The following FHIP2A variants were observed in gnomAD, a reference collection of about 807,000 sequenced individuals.
The protein encoded by FHIP2A is family with sequence similarity 160 member B1.
A neutral mutation model predicts 93.5 loss-of-function variants in FHIP2A; 46 were observed. The observed-to-expected ratio is 0.49, with a 90% CI of 0.39 to 0.63. The LOEUF is 0.63. Ranked by LOEUF, FHIP2A falls within the 20% of genes least tolerant of loss-of-function variation. The pLI is 0.00. For synonymous variants in FHIP2A, 332 were observed against 326.5 expected (o/e 1.02, Z -0.18); for missense variants, 769 against 909.7 (o/e 0.85, Z 1.99).
Position 114,862,205 on chromosome 10 carries a change from A to G in FHIP2A, c.*665A>G. 3.1e-6 allele frequency: 3 copies of G among 966,420 alleles called. No homozygotes were observed. Among genetic ancestry groups the G allele is most frequent in the African/African-American group, 1.8e-5 (1 of 56,934 alleles). The allele number at this position is 966,420 out of a possible 1,614,324, so 59.9% of individuals were successfully genotyped here. ...AATGTTCTTTTACTCTTTTGTGCACATAGCCATGTTAGTGATTTTCTTCAT... is the reference window on the plus strand; with the variant it reads ...AATGTTCTTTTACTCTTTTGTGCACGTAGCCATGTTAGTGATTTTCTTCAT... On this transcript the variant is annotated 3_prime_UTR_variant, in exon 17 of 17. Transcript: ENST00000369248.
rs1485734048 is a variant in FHIP2A at position 114,861,940 on chromosome 10, T to C, written c.*400T>C. The C allele has an allele frequency of 2.0e-6, 2 of 986,704 alleles. No homozygotes were observed. Among genetic ancestry groups the C allele is most frequent in the Admixed American group, 1.2e-4 (2 of 16,324 alleles). 61.1% of individuals were successfully genotyped at this position (986,704 alleles called of 1,614,324 possible). Reference sequence around the variant, plus strand: ...CTGGGACTCAAATGCTTGTATTCTTTTGGATTAATAAGTAGCAAAAAAAAA... The same window carrying C: ...CTGGGACTCAAATGCTTGTATTCTTCTGGATTAATAAGTAGCAAAAAAAAA... On this transcript the variant is annotated 3_prime_UTR_variant, in exon 17 of 17. Transcript: ENST00000369248.
At chr10:114,896,639 C>G (rs1479430841) in intron 16 of FHIP2A, among the ~76,000 whole-genome samples, 1 of 152,184 alleles carries the variant, frequency 6.6e-6, no homozygotes, top group Non-Finnish European at 1.5e-5. Context: ...AAGCCCCTCC[C>G]CGCTTCCTGC....
At chr10:114,883,486 A>G (rs973417832) in intron 16 of FHIP2A, among the ~76,000 whole-genome samples, 6 of 152,226 alleles carry the variant, frequency 3.9e-5, no homozygotes, top group Non-Finnish European at 8.8e-5. Flanking sequence ...GGATGACATT[A>G]AAAAGATAAG....
intron 14 of FHIP2A, among the ~76,000 whole-genome samples, chr10:114,857,058 A>ATATC (rs1706164757): frequency 6.6e-6 from 1 of 152,056 alleles, no homozygotes; most frequent in Non-Finnish European, 1.5e-5. Flanking sequence ...GCCTAAGGAT[A>ATATC]GCCACTGCAC....
At chr10:114,829,287 G>A (rs143616297) in intron 1 of FHIP2A, among the ~76,000 whole-genome samples, 878 of 142,158 alleles carry the variant, frequency 6.2e-3, no homozygotes, top group African/African-American at 0.023. Flanking sequence ...CGGCCTTGAG[G>A]GTTCCTCCCC....
chr10:114,872,583 C>T (rs1304225547), intron 16 of FHIP2A, among the ~76,000 whole-genome samples: 2 of 152,168 alleles, frequency 1.3e-5, no homozygotes, highest in African/African-American at 4.8e-5. Context: ...AAGATGTCAT[C>T]CTACTCCAAT....
At chr10:114,899,113 GCTT>G (rs2084014721) in intron 16 of FHIP2A, among the ~76,000 whole-genome samples, 6 of 152,338 alleles carry the variant, frequency 3.9e-5, no homozygotes, top group Middle Eastern at 3.4e-3. Flanking sequence ...GTGGGGTGCA[GCTT>G]CACGGGTAAG....
chr10:114,888,527 CGTT>C (rs2143015850), intron 16 of FHIP2A, among the ~76,000 whole-genome samples: 1 of 152,274 alleles, frequency 6.6e-6, no homozygotes, highest in South Asian at 2.1e-4. Flanking sequence ...CGTAAGATAC[CGTT>C]CAAGGTAGAG....
At chr10:114,824,594 TC>T (rs780251318) in intron 1 of FHIP2A, among the ~76,000 whole-genome samples, 1 of 152,190 alleles carries the variant, frequency 6.6e-6, no homozygotes, top group Non-Finnish European at 1.5e-5. Context: ...AACCTTTTTT[TC>T]CCCCCTTTTA....
intron 3 of FHIP2A, among the ~76,000 whole-genome samples, chr10:114,833,851 A>C (rs1249278907): frequency 6.6e-6 from 1 of 152,192 alleles, no homozygotes; most frequent in Non-Finnish European, 1.5e-5. Flanking sequence ...CAAAGCTGAA[A>C]TTGTGATATC....
At chr10:114,883,305 G>A (rs1231674315) in intron 16 of FHIP2A, among the ~76,000 whole-genome samples, 2 of 152,108 alleles carry the variant, frequency 1.3e-5, no homozygotes, top group Non-Finnish European at 2.9e-5. Flanking sequence ...GGGATGAAGA[G>A]TGGCTTTGGA....
rs1346196164 is a variant in FHIP2A at position 114,846,543 on chromosome 10, T to C, written c.1399-16T>C. ...AAAGACATTTTTCAGTTAGCTTTTA[T>C]CAATTTTGGTTTCAGATAAGCATAA... is the stretch of plus-strand genomic sequence containing the variant. On this transcript the variant is annotated splice_polypyrimidine_tract_variant and intron_variant, in intron 10 of 16. Coordinates refer to ENST00000369248, the MANE Select transcript of FHIP2A (RefSeq NM_020940.4). 17 of 1,566,926 alleles carry C rather than the reference T, an allele frequency of 1.1e-5. No homozygotes were observed. The highest frequency in any genetic ancestry group is 1.4e-5 in the Non-Finnish European group (16 of 1,160,258).
intron 16 of FHIP2A, among the ~76,000 whole-genome samples, chr10:114,879,806 A>G (rs188566437): frequency 4.9e-4 from 74 of 152,226 alleles, no homozygotes; most frequent in African/African-American, 1.7e-3. Context: ...AAGACTGACT[A>G]GCTTCCTTCG....
intron 1 of FHIP2A, among the ~76,000 whole-genome samples, chr10:114,830,362 TC>T (rs2083601138): frequency 7.0e-6 from 1 of 143,684 alleles, no homozygotes; most frequent in Non-Finnish European, 1.5e-5. Context: ...AACCTCCACC[TC>T]CCAGGTTCAA....
chr10:114,850,918 G>GT (rs1393394799), intron 13 of FHIP2A, among the ~76,000 whole-genome samples: 1 of 151,958 alleles, frequency 6.6e-6, no homozygotes, highest in Admixed American at 6.6e-5. Flanking sequence ...TTGTTTGTTT[G>GT]TTGTTGTTGT....
At position 114,862,622 on chromosome 10, in the gene FHIP2A, A is replaced by C. The variant is rs1219214840; in HGVS notation, c.*1082A>C. 5 of 985,824 alleles carry C rather than the reference A, an allele frequency of 5.1e-6. No homozygotes were observed. In the African/African-American group the frequency reaches 8.7e-5, roughly 17 times the overall value. The allele number at this position is 985,824 out of a possible 1,614,324, so 61.1% of individuals were successfully genotyped here. On this transcript the variant is annotated 3_prime_UTR_variant, in exon 17 of 17. Transcript: ENST00000369248. The stretch of plus-strand genomic sequence containing the variant: ...TTTGGGGAAATTGGGTATGTATGTG[A>C]ATGGGTGTACATGTAGGAACCTGTA...
chr10:114,883,171 G>T (rs144660646), intron 16 of FHIP2A, among the ~76,000 whole-genome samples: 43 of 152,228 alleles, frequency 2.8e-4, no homozygotes, highest in African/African-American at 9.2e-4. Context: ...GACATTACAG[G>T]GTTAGTTTTT....
chr10:114,880,859 A>G (rs974432371), intron 16 of FHIP2A, among the ~76,000 whole-genome samples: 2 of 152,238 alleles, frequency 1.3e-5, no homozygotes, highest in Admixed American at 6.5e-5. Context: ...CAGAGATAAG[A>G]CAAAAGCTTC....
intron 16 of FHIP2A, among the ~76,000 whole-genome samples, chr10:114,872,131 A>G (rs2083862934): frequency 6.6e-6 from 1 of 152,194 alleles, no homozygotes; most frequent in African/African-American, 2.4e-5. Context: ...AATAAAAGCT[A>G]ATTCTTCCCA....
Sources: gnomAD v4.1 joint callset for allele counts (sites outside exome capture counted in the v4.1 genomes callset) on GRCh38, gnomAD v4.1.1 for gene constraint, MANE v1.5 for transcripts, NCBI Gene and HGNC (gene_info 2026-07-23, HGNC 2026-07-21) for gene names.